FAR2: variants seen among roughly 807,000 people sequenced by gnomAD.
The protein encoded by FAR2 is fatty acyl-CoA reductase 2.
FAR2 carries 19 observed loss-of-function variants against 56.0 expected under a neutral mutation model. The observed-to-expected ratio is 0.34, with a 90% CI of 0.24 to 0.50. The LOEUF (loss-of-function observed/expected upper bound fraction) is 0.50, where lower values mean the gene tolerates loss of function less well. Among genes scored for constraint, FAR2 ranks in the 20% least tolerant of loss-of-function variants. The pLI is 0.98. For synonymous variants in FAR2, 219 were observed against 218.8 expected (o/e 1.00, Z -0.01); for missense variants, 508 against 642.2 (o/e 0.79, Z 2.26).
At chr12:29,299,247 A>G (rs138324543) in intron 4 of FAR2, among the ~76,000 whole-genome samples, 2,879 of 151,522 alleles carry the variant, frequency 0.019, 61 homozygotes, top group African/African-American at 0.048. Flanking sequence ...AAAGAAAAAG[A>G]AAAGAAAAGA....
chr12:29,236,922 CAAGGTGGCTTGGTCATTATAG>C (rs1409436780), intron 1 of FAR2, among the ~76,000 whole-genome samples: 2 of 152,158 alleles, frequency 1.3e-5, no homozygotes, highest in African/African-American at 4.8e-5. Context: ...CTAGTTAAAG[CAAGGTGGCTTGGTCATTATAG>C]AAGATATTTC....
At chr12:29,219,323 C>A (rs1947658579) in intron 1 of FAR2, among the ~76,000 whole-genome samples, 1 of 152,142 alleles carries the variant, frequency 6.6e-6, no homozygotes, top group African/African-American at 2.4e-5. Flanking sequence ...AATTACTCTG[C>A]TGCTGGGATT....
chr12:29,242,124 G>C (rs10843356), intron 1 of FAR2, among the ~76,000 whole-genome samples: 5 of 152,130 alleles, frequency 3.3e-5, no homozygotes, highest in Non-Finnish European at 7.4e-5. Context: ...TGTGACACAC[G>C]ACTTCAAGAC....
At chr12:29,248,758 A>T (rs1013123441) in intron 1 of FAR2, among the ~76,000 whole-genome samples, 1 of 152,122 alleles carries the variant, frequency 6.6e-6, no homozygotes, top group African/African-American at 2.4e-5. Context: ...ACCATAAAAG[A>T]TGGCCACGCC....
At chr12:29,320,011 A>G (rs1453852356) in intron 9 of FAR2, among the ~76,000 whole-genome samples, 1 of 152,126 alleles carries the variant, frequency 6.6e-6, no homozygotes, top group Non-Finnish European at 1.5e-5. Context: ...AGACCAGACT[A>G]GGCAACATAG....
At chr12:29,262,697 C>T (rs1393912304) in intron 1 of FAR2, among the ~76,000 whole-genome samples, 1 of 151,778 alleles carries the variant, frequency 6.6e-6, no homozygotes, top group Admixed American at 6.6e-5. Context: ...CCAGAGAAAA[C>T]CACCTTCACT....
intron 1 of FAR2, among the ~76,000 whole-genome samples, chr12:29,233,071 A>C (rs1175242816): frequency 1.3e-5 from 2 of 152,122 alleles, no homozygotes; most frequent in African/African-American, 4.8e-5. Flanking sequence ...TCAATCTATC[A>C]GTCCCCTCTT....
intron 8 of FAR2, among the ~76,000 whole-genome samples, chr12:29,316,570 C>G (rs1949454277): frequency 6.6e-6 from 1 of 152,152 alleles, no homozygotes; most frequent in Non-Finnish European, 1.5e-5. Flanking sequence ...TGAACAGTAC[C>G]TCCTTGTATT....
At position 29,239,187 on chromosome 12, in the gene FAR2, C is replaced by G. The variant is rs540389024; in HGVS notation, c.-38-31225C>G. 4.6e-5 allele frequency among the ~76,000 whole-genome samples: 7 copies of G among 152,222 alleles called. No homozygotes were observed. In the South Asian group the frequency reaches 1.2e-3, roughly 27 times the overall value. On this transcript the variant is annotated intron_variant, in intron 1 of 11. Transcript: ENST00000536681. ...AAGCAAGTTATAGGACCTGCCTGTTCACAAGGAGAGGGGATTACACACGGA... is the reference window on the plus strand; with the variant it reads ...AAGCAAGTTATAGGACCTGCCTGTTGACAAGGAGAGGGGATTACACACGGA...
At chr12:29,226,621 G>T (rs975229681) in intron 1 of FAR2, among the ~76,000 whole-genome samples, 8 of 152,040 alleles carry the variant, frequency 5.3e-5, no homozygotes, top group Non-Finnish European at 4.4e-5. Context: ...CTTGTGGGGT[G>T]GTCATATATT....
At chr12:29,187,490 A>G (rs34492685) in intron 1 of FAR2, among the ~76,000 whole-genome samples, 5,990 of 152,202 alleles carry the variant, frequency 0.039, 343 homozygotes, top group African/African-American at 0.13. Context: ...AGCAAACCAT[A>G]GATTTTAAAG....
chr12:29,184,766 A>G (rs980925409), intron 1 of FAR2, among the ~76,000 whole-genome samples: 2 of 152,114 alleles, frequency 1.3e-5, no homozygotes, highest in Non-Finnish European at 2.9e-5. Flanking sequence ...CTAAAGAGGG[A>G]GTTTTTAAAA....
chr12:29,275,643 C>T (rs1299329067), intron 2 of FAR2, among the ~76,000 whole-genome samples: 2 of 152,136 alleles, frequency 1.3e-5, no homozygotes, highest in Non-Finnish European at 2.9e-5. Context: ...TTCTAGTAGG[C>T]CATCTTGGTC....
intron 2 of FAR2, among the ~76,000 whole-genome samples, chr12:29,276,694 G>C (rs1948707854): frequency 6.6e-6 from 1 of 152,074 alleles, no homozygotes; most frequent in Non-Finnish European, 1.5e-5. Flanking sequence ...AGTAGTTACT[G>C]GCCATCTATG....
chr12:29,296,895 C>T (rs1949081012), intron 3 of FAR2, 126 bp from the exon 4 acceptor site: 2 of 764,748 alleles, frequency 2.6e-6, no homozygotes, highest in East Asian at 2.5e-5. Context: ...CCATCCTTCT[C>T]TTCCTGGTGT....
At chr12:29,242,040 G>C in intron 1 of FAR2, among the ~76,000 whole-genome samples, 1 of 152,184 alleles carries the variant, frequency 6.6e-6, no homozygotes, top group East Asian at 1.9e-4. Flanking sequence ...CAGAGCATAG[G>C]CCTTGCCTCA....
In FAR2 at chr12:29,273,846, C is replaced by T. The variant is rs537068401; in HGVS notation, c.189+3208C>T. On this transcript the variant is annotated intron_variant, in intron 2 of 11. Coordinates refer to ENST00000536681, the MANE Select transcript of FAR2 (RefSeq NM_001271783.2). ...CCATGGAAAAAGCAGTTCCCCGGGCCGGGTAGCATGCTCACTCACCACCTC... is the reference window on the plus strand; with the variant it reads ...CCATGGAAAAAGCAGTTCCCCGGGCTGGGTAGCATGCTCACTCACCACCTC... Among the ~76,000 whole-genome samples, 5 of 152,216 alleles carry T rather than the reference C, an allele frequency of 3.3e-5. No homozygotes were observed. The South Asian group carries it at 8.3e-4, about 25-fold the overall frequency.
Position 29,286,052 on chromosome 12 carries a change from AACACACACACAGACACAC to A in FAR2, c.190-7236_190-7219del, listed in dbSNP as rs1948869719. 4.6e-5 allele frequency among the ~76,000 whole-genome samples: 5 copies of A among 108,626 alleles called. No homozygotes were observed. The South Asian group carries it at 1.8e-3, about 38-fold the overall frequency. 71.3% of individuals were successfully genotyped at this position (108,626 alleles called of 152,430 possible). ...AAAATCAGAAACGTTGGCATGACCC[AACACACACACAGACACAC>A]ACACACACACACACACACATACACA... On this transcript the variant is annotated intron_variant, in intron 2 of 11. Coordinates refer to ENST00000536681, the MANE Select transcript of FAR2 (RefSeq NM_001271783.2).
At chr12:29,266,186 T>A (rs1948513072) in intron 1 of FAR2, among the ~76,000 whole-genome samples, 1 of 152,180 alleles carries the variant, frequency 6.6e-6, no homozygotes, top group South Asian at 2.1e-4. Context: ...GAAATCAGTG[T>A]ATCAAAGAGA....
Sources: gnomAD v4.1 joint callset for allele counts (sites outside exome capture counted in the v4.1 genomes callset) on GRCh38, gnomAD v4.1.1 for gene constraint, MANE v1.5 for transcripts, NCBI Gene and HGNC (gene_info 2026-07-23, HGNC 2026-07-21) for gene names.